The following GSG1L variants were observed in gnomAD, a reference collection of about 807,000 sequenced individuals.
The protein encoded by GSG1L is germ cell-specific gene 1-like protein.
A neutral mutation model predicts 42.1 loss-of-function variants in GSG1L; 24 were observed. That is an observed-to-expected ratio of 0.57 (90% CI 0.41 to 0.80). The LOEUF is 0.80. Ranked by LOEUF, GSG1L falls within the 30% of genes least tolerant of loss-of-function variation. The pLI is 0.00. For missense variants in GSG1L, 445 were observed against 472.2 expected (o/e 0.94, Z 0.53); for synonymous variants, 215 against 203.5 (o/e 1.06, Z -0.48).
chr16:27,873,405 G>A (rs1049296734), intron 3 of GSG1L, among the ~76,000 whole-genome samples: 1 of 152,174 alleles, frequency 6.6e-6, no homozygotes, highest in Non-Finnish European at 1.5e-5. Context: ...GCTGCTGGTG[G>A]GGTGTGATGG....
intron 2 of GSG1L, among the ~76,000 whole-genome samples, chr16:27,889,460 C>A (rs2084097810): frequency 6.6e-6 from 1 of 152,058 alleles, no homozygotes; most frequent in Non-Finnish European, 1.5e-5. Flanking sequence ...TATTATGAGC[C>A]AAGTCAAAAA....
intron 1 of GSG1L, among the ~76,000 whole-genome samples, chr16:28,046,341 C>CTT (rs201480876): frequency 9.2e-5 from 7 of 76,038 alleles, no homozygotes; most frequent in African/African-American, 4.0e-4. Flanking sequence ...GAAGTCCACT[C>CTT]TTTTTTTTTT....
At chr16:28,033,884 T>C (rs936378186) in intron 1 of GSG1L, among the ~76,000 whole-genome samples, 5 of 152,108 alleles carry the variant, frequency 3.3e-5, no homozygotes, top group Non-Finnish European at 5.9e-5. Flanking sequence ...AATCGCACAG[T>C]GGAAAGCGGA....
intron 2 of GSG1L, among the ~76,000 whole-genome samples, chr16:27,895,698 C>T (rs150947642): frequency 6.6e-6 from 1 of 152,134 alleles, no homozygotes; most frequent in East Asian, 1.9e-4. Flanking sequence ...CAAATCCTTT[C>T]CAAAAAGTCC....
intron 4 of GSG1L, among the ~76,000 whole-genome samples, chr16:27,834,263 T>C (rs950293521): frequency 1.3e-5 from 2 of 152,166 alleles, no homozygotes; most frequent in African/African-American, 2.4e-5. Context: ...TTTCAAATAT[T>C]GAAGCAGCCA....
At chr16:27,824,056 C>G (rs540298866) in intron 5 of GSG1L, 1 of 649,034 alleles carries the variant, frequency 1.5e-6, no homozygotes, top group Admixed American at 2.1e-5. Flanking sequence ...TTCGAAATAC[C>G]CTCGCCATCT....
Position 28,057,406 on chromosome 16 carries a change from G to C in GSG1L, c.349+5670C>G, listed in dbSNP as rs78089479. Among the ~76,000 whole-genome samples, 13 of 152,254 alleles carry C rather than the reference G, an allele frequency of 8.5e-5. No homozygotes were observed. The South Asian group carries it at 2.5e-3, about 29-fold the overall frequency. ...TCCTAGAAGGGAAGGGCGGCAATTC[G>C]TGTAAACTGAGGGCAGAACTGGTTG... On this transcript the variant is annotated intron_variant, in intron 1 of 6. Transcript: ENST00000447459.
chr16:27,999,013 G>A (rs1009581976), intron 1 of GSG1L, among the ~76,000 whole-genome samples: 1 of 152,122 alleles, frequency 6.6e-6, no homozygotes, highest in African/African-American at 2.4e-5. Context: ...CGTGTCACTT[G>A]GCATTTGAAT....
At chr16:27,812,519 G>T (rs1425294128) in intron 5 of GSG1L, among the ~76,000 whole-genome samples, 1 of 152,218 alleles carries the variant, frequency 6.6e-6, no homozygotes, top group Non-Finnish European at 1.5e-5. Flanking sequence ...GGTGGTGGAC[G>T]GGATTCGGCC....
At chr16:27,958,275 G>A (rs2085029134) in intron 2 of GSG1L, among the ~76,000 whole-genome samples, 1 of 151,820 alleles carries the variant, frequency 6.6e-6, no homozygotes, top group Non-Finnish European at 1.5e-5. Flanking sequence ...TATGGTGGTA[G>A]GTGCCTGTAA....
At chr16:27,870,102 C>T (rs1192319106) in intron 3 of GSG1L, among the ~76,000 whole-genome samples, 1 of 140,018 alleles carries the variant, frequency 7.1e-6, no homozygotes, top group Non-Finnish European at 1.5e-5. Flanking sequence ...TGTCTCCTTC[C>T]ATCTCTTCTC....
chr16:27,896,541 C>T (rs2084194175), intron 2 of GSG1L, among the ~76,000 whole-genome samples: 1 of 152,108 alleles, frequency 6.6e-6, no homozygotes, highest in Non-Finnish European at 1.5e-5. Context: ...GCACATCCTG[C>T]ACATGGATAT....
Position 28,063,202 on chromosome 16 carries a change from TGGCGGCGGCGGCGGC to T in GSG1L, c.208_222del (p.Ala70_Ala74del). 1 of 1,281,952 alleles carries T rather than the reference TGGCGGCGGCGGCGGC, an allele frequency of 7.8e-7. No homozygotes were observed. The highest frequency in any genetic ancestry group is 2.4e-5 in the South Asian group (1 of 41,684). 79.4% of individuals were successfully genotyped at this position (1,281,952 alleles called of 1,614,324 possible). On this transcript the variant is annotated inframe_deletion, in exon 1 of 7. Coordinates refer to ENST00000447459, the MANE Select transcript of GSG1L (RefSeq NM_001109763.2). The surrounding 1 kb of genome is among the most constrained non-coding windows in gnomAD (Gnocchi z 5.8). ...CCAGGGGGGCCGTTCCCCGAGGCGG[TGGCGGCGGCGGCGGC>T]GGCGGCGGGGGCGGCGGTGCCGTTG...
intron 2 of GSG1L, among the ~76,000 whole-genome samples, chr16:27,922,481 G>A (rs767108057): frequency 2.6e-5 from 4 of 152,128 alleles, no homozygotes; most frequent in Non-Finnish European, 4.4e-5. Flanking sequence ...CGACCCGATC[G>A]ATAGTACCGA....
intron 2 of GSG1L, among the ~76,000 whole-genome samples, chr16:27,951,907 A>T (rs2084954380): frequency 6.6e-6 from 1 of 152,220 alleles, no homozygotes; most frequent in Admixed American, 6.5e-5. Context: ...CGCAAGACTC[A>T]AGAGTGTGAC....
intron 1 of GSG1L, among the ~76,000 whole-genome samples, chr16:28,037,420 T>G (rs1271630807): frequency 6.6e-6 from 1 of 152,198 alleles, no homozygotes; most frequent in Non-Finnish European, 1.5e-5. Context: ...TGGAGAAACT[T>G]CTTCCCCTCC....
At chr16:28,005,014 A>G (rs891703158) in intron 1 of GSG1L, among the ~76,000 whole-genome samples, 5 of 152,188 alleles carry the variant, frequency 3.3e-5, no homozygotes, top group Admixed American at 2.0e-4. Context: ...TGAACACCAG[A>G]CAGTTCCTAT....
chr16:28,040,700 T>C lies in GSG1L; in HGVS notation c.349+22376A>G, dbSNP rs1284011312. On this transcript the variant is annotated intron_variant, in intron 1 of 6. Coordinates refer to ENST00000447459, the MANE Select transcript of GSG1L (RefSeq NM_001109763.2). This position sits in a 1 kb window ranked among gnomAD's most constrained non-coding sequence, Gnocchi z 4.1. The stretch of plus-strand genomic sequence containing the variant: ...CCTGAGAGCCTTCCCTCCACTGGGC[T>C]CTGGCCCCTCTGGGCTTGCAGGCAG... Among the ~76,000 whole-genome samples, 1 of 152,184 alleles carries C rather than the reference T, an allele frequency of 6.6e-6. No homozygotes were observed. The highest frequency in any genetic ancestry group is 2.4e-5 in the African/African-American group (1 of 41,456).
At chr16:27,956,942 G>A (rs528444946) in intron 2 of GSG1L, among the ~76,000 whole-genome samples, 2 of 152,202 alleles carry the variant, frequency 1.3e-5, no homozygotes, top group Non-Finnish European at 2.9e-5. Flanking sequence ...CAGTTATTTG[G>A]TAGGAGACTC....
Sources: gnomAD v4.1 joint callset for allele counts (sites outside exome capture counted in the v4.1 genomes callset) on GRCh38, gnomAD v4.1.1 for gene constraint, Gnocchi (gnomAD v3.1) non-coding constraint, MANE v1.5 for transcripts, NCBI Gene and HGNC (gene_info 2026-07-23, HGNC 2026-07-21) for gene names.